Variants in SLC5A4 observed in about 807,000 individuals in gnomAD.
The protein encoded by SLC5A4 is probable glucose sensor protein SLC5A4.
SLC5A4 carries 55 observed loss-of-function variants against 70.3 expected under a neutral mutation model. That is an observed-to-expected ratio of 0.78 (90% CI 0.63 to 0.98). SLC5A4 has a LOEUF of 0.98. Among genes scored for constraint, SLC5A4 ranks in the 50% least tolerant of loss-of-function variants. SLC5A4 has a pLI of 0.00. For synonymous variants in SLC5A4, 268 were observed against 305.7 expected (o/e 0.88, Z 1.29); for missense variants, 735 against 839.2 (o/e 0.88, Z 1.53).
intron 13 of SLC5A4, 80 bp from the exon 14 acceptor site, chr22:32,221,102 C>CATA: frequency 1.1e-6 from 1 of 943,116 alleles, no homozygotes; most frequent in Non-Finnish European, 1.7e-6. Context: ...CTTTGTTTAT[C>CATA]GTCTGGTGTT....
the SLC5A4 span, chr22:32,272,466 C>T: frequency 1.3e-6 from 1 of 772,874 alleles, no homozygotes; most frequent in Non-Finnish European, 2.3e-6. Flanking sequence ...GGAACTTCAT[C>T]CTGGCAGCCG....
rs577997153 is a variant in SLC5A4, at chr22:32,224,616, C to T, written c.1450-134G>A. 102 of 684,558 alleles carry T rather than the reference C, an allele frequency of 1.5e-4. No individual in the cohort carries two copies. In the African/African-American group the frequency reaches 1.6e-3, roughly 10 times the overall value. 42.4% of individuals were successfully genotyped at this position (684,558 alleles called of 1,614,324 possible). On this transcript the variant is annotated intron_variant, in intron 12 of 14. Transcript: ENST00000266086. ...TGGCTAACCTTGGGCACAAGGTTACCGACATAGAGAAAATTGCAAATACAT... is the reference window on the plus strand; with the variant it reads ...TGGCTAACCTTGGGCACAAGGTTACTGACATAGAGAAAATTGCAAATACAT...
the SLC5A4 span, among the ~76,000 whole-genome samples, chr22:32,321,564 A>G: frequency 9.2e-5 from 14 of 152,346 alleles, no homozygotes; most frequent in African/African-American, 3.4e-4. Context: ...TTCATCACCC[A>G]GACATGAAAC....
the SLC5A4 span, among the ~76,000 whole-genome samples, chr22:32,321,577 A>C: frequency 1.3e-5 from 2 of 152,180 alleles, no homozygotes; most frequent in African/African-American, 4.8e-5. Context: ...CATGAAACCT[A>C]GTACCCATTA....
At chr22:32,254,932 A>T (rs1927387061) in intron 1 of SLC5A4, among the ~76,000 whole-genome samples, 1 of 152,176 alleles carries the variant, frequency 6.6e-6, no homozygotes, top group African/African-American at 2.4e-5. Flanking sequence ...CGATAATAAA[A>T]ATACACTCTT....
chr22:32,352,181 A>G, the SLC5A4 span, among the ~76,000 whole-genome samples: 14 of 149,098 alleles, frequency 9.4e-5, no homozygotes, highest in East Asian at 2.1e-3. Context: ...AAAACCAAAC[A>G]TCGTTATGTT....
chr22:32,304,178 G>A, the SLC5A4 span, among the ~76,000 whole-genome samples: 1 of 152,244 alleles, frequency 6.6e-6, no homozygotes, highest in East Asian at 1.9e-4. Flanking sequence ...CCGGGGTGGA[G>A]TGCAATGGTG....
chr22:32,292,141 T>A, the SLC5A4 span, among the ~76,000 whole-genome samples: 164 of 43,312 alleles, frequency 3.8e-3, 3 homozygotes, highest in East Asian at 6.4e-3. Context: ...TATTATATAT[T>A]ATATTCTATA....
the SLC5A4 span, among the ~76,000 whole-genome samples, chr22:32,350,181 T>C: frequency 6.6e-6 from 1 of 152,320 alleles, no homozygotes; most frequent in East Asian, 1.9e-4. Context: ...TCCTCTCATG[T>C]GGCCATCAAG....
the SLC5A4 span, among the ~76,000 whole-genome samples, chr22:32,282,581 C>T: frequency 4.6e-5 from 7 of 152,168 alleles, no homozygotes; most frequent in African/African-American, 1.4e-4. Flanking sequence ...CTTTTAAATG[C>T]CCTCCAGATT....
chr22:32,244,286 C>A (rs1332419764), intron 5 of SLC5A4, among the ~76,000 whole-genome samples: 1 of 152,122 alleles, frequency 6.6e-6, no homozygotes, highest in Non-Finnish European at 1.5e-5. Context: ...GTGGAGGTGC[C>A]ACGTGTGATA....
the SLC5A4 span, among the ~76,000 whole-genome samples, chr22:32,346,716 A>G: frequency 6.9e-6 from 1 of 144,058 alleles, no homozygotes; most frequent in Non-Finnish European, 1.5e-5. Context: ...AGATGGATTA[A>G]AGACTTAAAC....
At chr22:32,281,215 T>C in the SLC5A4 span, among the ~76,000 whole-genome samples, 1 of 152,198 alleles carries the variant, frequency 6.6e-6, no homozygotes, top group Non-Finnish European at 1.5e-5. Context: ...GCTTGAATAT[T>C]TGCCAGCCAC....
At chr22:32,273,092 C>T in the SLC5A4 span, 18 of 490,746 alleles carry the variant, frequency 3.7e-5, no homozygotes, top group South Asian at 2.4e-4. Flanking sequence ...AGACAGATGG[C>T]GTCACTGCCC....
At chr22:32,334,079 C>CA in the SLC5A4 span, among the ~76,000 whole-genome samples, 1 of 150,494 alleles carries the variant, frequency 6.6e-6, no homozygotes, top group East Asian at 1.9e-4. Context: ...CACACTATGC[C>CA]AGACAACACA....
At chr22:32,234,797 A>G in intron 8 of SLC5A4, 76 bp downstream of exon 8, 1 of 1,057,798 alleles carries the variant, frequency 9.5e-7, no homozygotes, top group East Asian at 2.4e-5. Context: ...GAGACAAGAA[A>G]GAACAAGCAC....
the SLC5A4 span, among the ~76,000 whole-genome samples, chr22:32,277,989 G>A: frequency 3.0e-5 from 4 of 134,744 alleles, no homozygotes; most frequent in African/African-American, 9.0e-5. Flanking sequence ...CAGCTGGTTA[G>A]GCAGGGGGAA....
the SLC5A4 span, among the ~76,000 whole-genome samples, chr22:32,274,321 T>G: frequency 2.0e-5 from 3 of 152,290 alleles, no homozygotes; most frequent in Non-Finnish European, 2.9e-5. Context: ...ATTATAGGCA[T>G]GAGCCACTGC....
intron 3 of SLC5A4, among the ~76,000 whole-genome samples, chr22:32,249,346 T>G (rs566120955): frequency 5.3e-5 from 8 of 152,198 alleles, no homozygotes; most frequent in Admixed American, 1.3e-4. Flanking sequence ...TTACAGAGAT[T>G]AAGGGGGCCC....
Sources: allele counts gnomAD v4.1 joint callset (sites outside exome capture counted in the v4.1 genomes callset), GRCh38; gene constraint gnomAD v4.1.1; transcripts MANE v1.5; gene names NCBI Gene and HGNC (gene_info 2026-07-23, HGNC 2026-07-21).